Variants in CAMTA1 observed in about 807,000 individuals in gnomAD.
CAMTA1 encodes calmodulin-binding transcription activator 1.
Under a neutral mutation model 170.9 loss-of-function variants are expected in CAMTA1, and 27 were observed. That is an observed-to-expected ratio of 0.16 (90% CI 0.12 to 0.22). The LOEUF (loss-of-function observed/expected upper bound fraction) is 0.22, where lower values mean the gene tolerates loss of function less well. CAMTA1 is among the 10% of genes least tolerant of loss of function. CAMTA1 has a pLI of 1.00. For missense variants in CAMTA1, 1,619 were observed against 2,217.2 expected, an observed-to-expected ratio of 0.73 and a Z score of 5.42; for synonymous variants, 833 against 891.5, an observed-to-expected ratio of 0.93 and a Z score of 1.17.
At chr1:6,982,282 C>T (rs935709908) in intron 3 of CAMTA1, among the ~76,000 whole-genome samples, 5 of 152,270 alleles carry the variant, frequency 3.3e-5, no homozygotes, top group African/African-American at 1.2e-4. Flanking sequence ...TCCCAGAAGC[C>T]TCCTAGAGCA....
At chr1:6,958,908 G>T (rs896783020) in intron 3 of CAMTA1, among the ~76,000 whole-genome samples, 6 of 152,142 alleles carry the variant, frequency 3.9e-5, no homozygotes, top group Non-Finnish European at 7.3e-5. Context: ...CTCGTGGCAG[G>T]CTTCGCACAC....
At chr1:7,385,508 C>T (rs899308775) in intron 5 of CAMTA1, among the ~76,000 whole-genome samples, 1 of 152,130 alleles carries the variant, frequency 6.6e-6, no homozygotes, top group Non-Finnish European at 1.5e-5. Context: ...GTACTGGGCT[C>T]GCGGGCCAGT....
At chr1:6,818,732 G>A (rs72638509) in intron 1 of CAMTA1, among the ~76,000 whole-genome samples, 16,389 of 151,952 alleles carry the variant, frequency 0.11, 1,373 homozygotes, top group Admixed American at 0.27. Flanking sequence ...TCAACTTCCC[G>A]GATTCCAGCA....
intron 5 of CAMTA1, among the ~76,000 whole-genome samples, chr1:7,285,119 T>C (rs1489310607): frequency 6.6e-6 from 1 of 152,160 alleles, no homozygotes; most frequent in Non-Finnish European, 1.5e-5. Flanking sequence ...ATGTTCAGCC[T>C]GATGGGAGAG....
chr1:6,817,777 C>T (rs1646005124), intron 1 of CAMTA1, among the ~76,000 whole-genome samples: 1 of 152,186 alleles, frequency 6.6e-6, no homozygotes, highest in Middle Eastern at 3.4e-3. Context: ...GGGTTACAGG[C>T]GTGAGCCACT....
At chr1:7,480,881 C>T (rs1344713026) in intron 6 of CAMTA1, among the ~76,000 whole-genome samples, 4 of 152,178 alleles carry the variant, frequency 2.6e-5, no homozygotes. Context: ...CCCGACTCAA[C>T]ATCCTCTCTT....
intron 4 of CAMTA1, among the ~76,000 whole-genome samples, chr1:7,147,109 CACAA>C (rs761296603): frequency 3.9e-5 from 6 of 152,064 alleles, no homozygotes; most frequent in Non-Finnish European, 8.8e-5. Context: ...CATGCACACA[CACAA>C]ACACACACTC....
At chr1:6,996,977 T>C (rs1697358478) in intron 3 of CAMTA1, among the ~76,000 whole-genome samples, 2 of 152,232 alleles carry the variant, frequency 1.3e-5, no homozygotes, top group Non-Finnish European at 2.9e-5. Context: ...ATTTTTTCCT[T>C]TAACAAGTAT....
Position 7,674,523 on chromosome 1 carries a change from A to C in CAMTA1, c.2780-3076A>C, listed in dbSNP as rs2096093435. On this transcript the variant is annotated intron_variant, in intron 10 of 22. Coordinates refer to ENST00000303635, the MANE Select transcript of CAMTA1 (RefSeq NM_015215.4). The surrounding 1 kb of genome is among the most constrained non-coding windows in gnomAD (Gnocchi z 4.1). ...GCCAGGCACAGTGGCTCATGCCTGTAATCCTAGCATGTTGGGAGGCCGAGG... is the reference window on the plus strand; with the variant it reads ...GCCAGGCACAGTGGCTCATGCCTGTCATCCTAGCATGTTGGGAGGCCGAGG... 6.6e-6 allele frequency among the ~76,000 whole-genome samples: 1 copy of C among 152,194 alleles called. No homozygotes were observed.
chr1:6,921,480 C>T (rs889039556), intron 3 of CAMTA1, among the ~76,000 whole-genome samples: 4 of 152,366 alleles, frequency 2.6e-5, no homozygotes, highest in African/African-American at 9.6e-5. Flanking sequence ...GTTCCAGCCT[C>T]TGCCTGTTAC....
rs6577400 is a variant in CAMTA1, at chr1:7,007,909, C to T, written c.235-83395C>T. Among the ~76,000 whole-genome samples the T allele has an allele frequency of 0.34, 51,064 of 152,040 alleles. 9,686 individuals carry two copies. Among genetic ancestry groups the T allele is most frequent in the African/African-American group, 0.52 (21,585 of 41,456 alleles). ...CAAAGCCCCTAGAGCTTGTGAGACC[C>T]GGGAAACAGCGTTCCATACAATTGA... On this transcript the variant is annotated intron_variant, in intron 3 of 22. Coordinates refer to ENST00000303635, the MANE Select transcript of CAMTA1 (RefSeq NM_015215.4). This position sits in a 1 kb window ranked among gnomAD's most constrained non-coding sequence, Gnocchi z 4.5.
In CAMTA1 at chr1:7,737,293, C is replaced by A. The variant is rs61746009; in HGVS notation, c.3381C>A (p.Val1127=). The A allele has an allele frequency of 6.2e-7, 1 of 1,613,984 alleles. No individual in the cohort carries two copies. Among genetic ancestry groups the A allele is most frequent in the Non-Finnish European group, 8.5e-7 (1 of 1,180,006 alleles). ...CCCTAGGGCACTTGGAAGCTGCCGT[C>A]GTGCTGTACAAGTGGGACCGTCGGG... ...ACALGHLEAA[V]VLYKWDRRAI... is the part of the protein sequence containing the mutation. The change falls in exon 15 of 23, where the codon GTC becomes GTA. Residue 1127 remains valine (V), a synonymous_variant. Coordinates refer to ENST00000303635, the MANE Select transcript of CAMTA1 (RefSeq NM_015215.4).
At chr1:7,105,292 G>C (rs1258277076) in intron 4 of CAMTA1, among the ~76,000 whole-genome samples, 1 of 152,210 alleles carries the variant, frequency 6.6e-6, no homozygotes, top group African/African-American at 2.4e-5. Flanking sequence ...AAACAATTGT[G>C]TTTTGGAATT....
intron 4 of CAMTA1, among the ~76,000 whole-genome samples, chr1:7,175,197 C>T (rs1177464935): frequency 6.6e-6 from 1 of 152,136 alleles, no homozygotes; most frequent in East Asian, 1.9e-4. Context: ...TGCCTCTTGT[C>T]CCAGTGGACA....
chr1:7,027,243 C>T (rs75922127), intron 3 of CAMTA1, among the ~76,000 whole-genome samples: 1,941 of 152,302 alleles, frequency 0.013, 20 homozygotes, highest in Middle Eastern at 0.02. Flanking sequence ...TGGATACACA[C>T]ATCACTCACT....
At chr1:7,691,748 G>A (rs901607191) in intron 11 of CAMTA1, among the ~76,000 whole-genome samples, 7 of 151,488 alleles carry the variant, frequency 4.6e-5, no homozygotes, top group East Asian at 3.9e-4. Flanking sequence ...ACAAGAGAGC[G>A]AGAGAGAGAG....
chr1:7,578,255 G>T (rs977223995), intron 6 of CAMTA1, among the ~76,000 whole-genome samples: 1 of 152,206 alleles, frequency 6.6e-6, no homozygotes, highest in East Asian at 1.9e-4. Context: ...TCCTGTTGGA[G>T]GGGAGGACAG....
chr1:7,079,840 G>A (rs9434457), intron 3 of CAMTA1, among the ~76,000 whole-genome samples: 42,336 of 151,972 alleles, frequency 0.28, 5,946 homozygotes, highest in Admixed American at 0.32. Flanking sequence ...AAGAATTTTT[G>A]CAGACTTCTC....
chr1:6,952,047 G>A (rs1423599448), intron 3 of CAMTA1, among the ~76,000 whole-genome samples: 3 of 152,122 alleles, frequency 2.0e-5, no homozygotes, highest in Non-Finnish European at 4.4e-5. Flanking sequence ...CCAGCCTGCC[G>A]TCTGCATCCC....
Sources: allele counts gnomAD v4.1 joint callset (sites outside exome capture counted in the v4.1 genomes callset), GRCh38; gene constraint gnomAD v4.1.1; non-coding constraint Gnocchi (gnomAD v3.1); transcripts MANE v1.5; gene names NCBI Gene and HGNC (gene_info 2026-07-23, HGNC 2026-07-21).